The following CGN variants were observed in gnomAD, a reference collection of about 807,000 sequenced individuals.
CGN encodes cingulin.
In CGN, 121 loss-of-function variants were observed where a neutral mutation model predicts 157.1. That is an observed-to-expected ratio of 0.77 (90% confidence interval 0.66 to 0.90). The LOEUF is 0.90. Ranked by LOEUF, CGN falls within the 40% of genes least tolerant of loss-of-function variation. The pLI is 0.00. For synonymous variants in CGN, 535 were observed against 607.5 expected (o/e 0.88, Z 1.76); for missense variants, 1,424 against 1,520.9 (o/e 0.94, Z 1.06).
At position 151,536,888 on chromosome 1, in the gene CGN, C is replaced by T. The variant is rs1664980986; in HGVS notation, c.3465C>T (p.Asp1155=). Residue 1155 remains aspartate (D), a synonymous_variant, in exon 20 of 21, where the codon GAC becomes GAT. Coordinates refer to ENST00000271636, the MANE Select transcript of CGN (RefSeq NM_020770.3). ...LQARIKSLEK[D]SWRKASRSAA... Reference sequence around the variant, plus strand: ...CCCGGATCAAGTCTCTGGAGAAGGACTCCTGGTATGGGCTACCCTTTTGCC... The same window carrying T: ...CCCGGATCAAGTCTCTGGAGAAGGATTCCTGGTATGGGCTACCCTTTTGCC... 6.2e-7 allele frequency: 1 copy of T among 1,613,836 alleles called. No individual in the cohort carries two copies. Among genetic ancestry groups the T allele is most frequent in the Non-Finnish European group, 8.5e-7 (1 of 1,179,952 alleles).
Position 151,532,383 on chromosome 1 carries a change from C to T in CGN, c.2572-19C>T, listed in dbSNP as rs931290935. On this transcript the variant is annotated intron_variant, in intron 13 of 20. Coordinates refer to ENST00000271636, the MANE Select transcript of CGN (RefSeq NM_020770.3). ...GTCATTTATGTACAGTGCTGAAGACCCTTTTCTCTGTGTTTCAGTTGGAGA... is the reference window on the plus strand; with the variant it reads ...GTCATTTATGTACAGTGCTGAAGACTCTTTTCTCTGTGTTTCAGTTGGAGA... 2 of 1,539,500 alleles carry T rather than the reference C, an allele frequency of 1.3e-6. No individual in the cohort carries two copies. Among genetic ancestry groups the T allele is most frequent in the African/African-American group, 2.8e-5 (2 of 71,830 alleles).
At chr1:151,535,972 G>C (rs1664959297) in intron 18 of CGN, 74 bp downstream of exon 18, 1 of 1,193,086 alleles carries the variant, frequency 8.4e-7, no homozygotes, top group Admixed American at 1.9e-5. Context: ...TCTCCTCTGT[G>C]GCTCCCTCCA....
intron 1 of CGN, 89 bp from the exon 2 acceptor site, chr1:151,518,417 A>G: frequency 9.1e-7 from 1 of 1,101,294 alleles, no homozygotes; most frequent in Non-Finnish European, 1.3e-6. Context: ...TTTATCTAGT[A>G]GGAACTGACA....
chr1:151,520,836 C>G (rs1664529792), intron 5 of CGN, 145 bp downstream of exon 5: 2 of 695,132 alleles, frequency 2.9e-6, no homozygotes, highest in African/African-American at 3.6e-5. Context: ...TGTACTAATT[C>G]CAGGAAGGAC....
Position 151,523,448 on chromosome 1 carries a change from A to G in CGN, c.1155A>G (p.Leu385=), listed in dbSNP as rs761174650. Residue 385 remains leucine (L), a synonymous_variant, in exon 6 of 21, where the codon CTA becomes CTG. Transcript: ENST00000271636. Reference sequence around the variant, plus strand: ...CCCTTTTACAGAAGCGGCAGAAGCTAGAGCCATCCCAAGTTGGGCTGGAGC... The same window carrying G: ...CCCTTTTACAGAAGCGGCAGAAGCTGGAGCCATCCCAAGTTGGGCTGGAGC... The part of the protein sequence containing the change: ...LDEEVKKRQK[L]EPSQVGLERQ... The G allele has an allele frequency of 1.2e-6, 2 of 1,613,068 alleles. No individual in the cohort carries two copies. The highest frequency in any genetic ancestry group is 1.7e-6 in the Non-Finnish European group (2 of 1,179,500).
At chr1:151,513,772 C>T (rs560571170) in intron 1 of CGN, among the ~76,000 whole-genome samples, 112 of 152,318 alleles carry the variant, frequency 7.4e-4, no homozygotes, top group African/African-American at 2.4e-3. Flanking sequence ...GGAGAAGTGG[C>T]TGTCTGGTAC....
chr1:151,517,822 A>G (rs1421096726), intron 1 of CGN, among the ~76,000 whole-genome samples: 1 of 149,914 alleles, frequency 6.7e-6, no homozygotes, highest in African/African-American at 2.5e-5. Context: ...ACATGGTGGT[A>G]TTATATGTAT....
intron 1 of CGN, among the ~76,000 whole-genome samples, chr1:151,516,542 CT>C (rs11335459): frequency 0.91 from 115,913 of 127,666 alleles, 53,189 homozygotes; most frequent in South Asian, 0.99. Context: ...TAAAGTGGCA[CT>C]TTTTTTTTTT....
Position 151,525,792 on chromosome 1 carries a change from T to A in CGN, c.1763+2T>A. 6.4e-7 allele frequency: 1 copy of A among 1,564,424 alleles called. No individual in the cohort carries two copies. Among genetic ancestry groups the A allele is most frequent in the Non-Finnish European group, 8.7e-7 (1 of 1,154,780 alleles). ...GGATCTTAGAGCCACCAAGCAGGAG[T>A]AAGGACATTGGCCCTCTCAGAAATA... On this transcript the variant is annotated splice_donor_variant, in intron 9 of 20. Transcript: ENST00000271636. LOFTEE classifies it high-confidence loss of function.
chr1:151,529,627 G>T (rs1487885147), intron 11 of CGN, 68 bp downstream of exon 11: 5 of 1,422,096 alleles, frequency 3.5e-6, no homozygotes, highest in Middle Eastern at 2.3e-4. Context: ...AGGAGCCAGA[G>T]GGTGTGGAAA....
chr1:151,532,170 G>A (rs1366076172), intron 13 of CGN, among the ~76,000 whole-genome samples: 2 of 152,170 alleles, frequency 1.3e-5, no homozygotes, highest in Admixed American at 1.3e-4. Flanking sequence ...ATGGGGGACT[G>A]AGACCCAGAG....
intron 10 of CGN, chr1:151,527,928 G>T (rs367745638): frequency 1.1e-4 from 29 of 276,038 alleles, no homozygotes; most frequent in African/African-American, 7.0e-4. Flanking sequence ...AGATCCCATG[G>T]CCACACTATA....
chr1:151,519,374 G>A lies in CGN; in HGVS notation c.855G>A (p.Gln285=). 6.3e-7 allele frequency: 1 copy of A among 1,596,490 alleles called. No individual in the cohort carries two copies. The highest frequency in any genetic ancestry group is 2.2e-5 in the East Asian group (1 of 44,732). ...TTGAGGAGCCGCGGAGGAGTGCACA[G>A]GACCCCACCATGCTGCAGGTCAGAC... The part of the protein sequence containing the change: ...QSFEEPRRSA[Q]DPTMLQFKST... Residue 285 remains glutamine, a synonymous_variant, in exon 2 of 21, where the codon CAG becomes CAA. Coordinates refer to ENST00000271636, the MANE Select transcript of CGN (RefSeq NM_020770.3).
chr1:151,526,839 A>G, intron 9 of CGN, 136 bp from the exon 10 acceptor site: 1 of 910,390 alleles, frequency 1.1e-6, no homozygotes, highest in Non-Finnish European at 1.7e-6. Context: ...TTCCACGTTC[A>G]CCTTCCTTCC....
intron 14 of CGN, 29 bp downstream of exon 14, chr1:151,532,601 G>A: frequency 6.9e-6 from 9 of 1,307,844 alleles, no homozygotes; most frequent in South Asian, 1.8e-5. Context: ...TGGGTTTGAA[G>A]GTCCTTGCCT....
At chr1:151,535,501 T>C in intron 16 of CGN, 99 bp from the exon 17 acceptor site, 1 of 976,172 alleles carries the variant, frequency 1.0e-6, no homozygotes, top group East Asian at 2.4e-5. Flanking sequence ...GGATTCAGGG[T>C]TCAGAGACCA....
In CGN at chr1:151,537,380, G is replaced by C; in HGVS notation, c.*34G>C. Reference sequence around the variant, plus strand: ...CCTCAAGGACTCAGAAACCAGGCTCGAGGCCTATCCCAGCAAGTGCTGCTC... The same window carrying C: ...CCTCAAGGACTCAGAAACCAGGCTCCAGGCCTATCCCAGCAAGTGCTGCTC... On this transcript the variant is annotated 3_prime_UTR_variant, in exon 21 of 21. Transcript: ENST00000271636. 6.2e-7 allele frequency: 1 copy of C among 1,600,156 alleles called. No homozygotes were observed. Among genetic ancestry groups the C allele is most frequent in the Non-Finnish European group, 8.5e-7 (1 of 1,171,484 alleles).
In CGN at chr1:151,525,703, G is replaced by C. The variant is rs1244261138; in HGVS notation, c.1676G>C (p.Arg559Thr). Reference protein sequence around the residue: ...KMSALVRGLQRELEETSEETG... With the variant: ...KMSALVRGLQTELEETSEETG... ...TCAGCCCTTGTGCGAGGGCTGCAGA[G>C]GGAGCTGGAGGAGACTTCAGAGGAG... Residue 559 changes from arginine (R) to threonine (T), a missense_variant, in exon 9 of 21, where the codon AGG becomes ACG. Coordinates refer to ENST00000271636, the MANE Select transcript of CGN (RefSeq NM_020770.3). 1 of 1,612,408 alleles carries C rather than the reference G, an allele frequency of 6.2e-7. No homozygotes were observed. The highest frequency in any genetic ancestry group is 1.7e-5 in the Admixed American group (1 of 59,908).
At position 151,534,115 on chromosome 1, in the gene CGN, C is replaced by T. The variant is rs1257176877; in HGVS notation, c.2883C>T (p.Ala961=). ...ENKKRSQDDR[A]RQLKGLEEKV... ...AGAAGCGTTCCCAGGACGACAGGGC[C>T]CGGCAGCTGAAGGGTCTCGAGGTGA... Residue 961 remains alanine, a synonymous_variant, in exon 15 of 21, where the codon GCC becomes GCT. Coordinates refer to ENST00000271636, the MANE Select transcript of CGN (RefSeq NM_020770.3). 4 of 1,599,368 alleles carry T rather than the reference C, an allele frequency of 2.5e-6. No individual in the cohort carries two copies. The highest frequency in any genetic ancestry group is 1.7e-5 in the Admixed American group (1 of 57,226).
Sources: allele counts gnomAD v4.1 joint callset (sites outside exome capture counted in the v4.1 genomes callset), GRCh38; gene constraint gnomAD v4.1.1; transcripts MANE v1.5; gene names NCBI Gene and HGNC (gene_info 2026-07-23, HGNC 2026-07-21).